RAP1GAP2: variants seen among roughly 807,000 people sequenced by gnomAD.
RAP1GAP2 encodes the protein rap1 GTPase-activating protein 2.
In RAP1GAP2, 27 loss-of-function variants were observed where a neutral mutation model predicts 95.0. That is an observed-to-expected ratio of 0.28 (90% CI 0.21 to 0.39). The LOEUF (loss-of-function observed/expected upper bound fraction) is 0.39, where lower values mean the gene tolerates loss of function less well. Among genes scored for constraint, RAP1GAP2 ranks in the 10% least tolerant of loss-of-function variants. The pLI is 1.00. For missense variants in RAP1GAP2, 771 were observed against 970.0 expected (o/e 0.79, Z 2.72); for synonymous variants, 373 against 380.9 (o/e 0.98, Z 0.24).
chr17:2,862,996 C>CAAAAAAAAAAAAAAAAAAAAAAAAAA (rs1164520490), intron 2 of RAP1GAP2, among the ~76,000 whole-genome samples: 1 of 49,020 alleles, frequency 2.0e-5, no homozygotes, highest in African/African-American at 8.4e-5. Flanking sequence ...GACTCTGTCT[C>CAAAAAAAAAAAAAAAAAAAAAAAAAA]AAAAAAAAAA....
Position 3,017,941 on chromosome 17 carries a change from G to GTT in RAP1GAP2, c.1495-119_1495-118insTT, listed in dbSNP as rs879469710. 9.4e-4 allele frequency: 771 copies of GTT among 817,972 alleles called. 5 individuals are homozygous for GTT. The Admixed American group carries it at 0.012, about 13-fold the overall frequency. The allele number at this position is 817,972 out of a possible 1,614,324, so 50.7% of individuals were successfully genotyped here. A position where few individuals can be genotyped will look rare whatever the true frequency, so the allele number is the denominator to read the frequency against. On this transcript the variant is annotated intron_variant, in intron 17 of 24. Transcript: ENST00000254695. ...CGTGTGTGTGTGTGTGTGTGTGTGT[G>GTT]TGTGTGTATGTGTGCACGCATACGT...
At chr17:2,932,842 A>AAAAAAAAAAAGG (rs140254643) in intron 3 of RAP1GAP2, among the ~76,000 whole-genome samples, 1 of 94,168 alleles carries the variant, frequency 1.1e-5, no homozygotes, top group Non-Finnish European at 2.0e-5. Context: ...AAAAAAAAAA[A>AAAAAAAAAAAGG]AGAGCAGGGA....
chr17:2,802,483 G>A (rs1422728635), intron 2 of RAP1GAP2, among the ~76,000 whole-genome samples: 1 of 152,134 alleles, frequency 6.6e-6, no homozygotes, highest in East Asian at 1.9e-4. Context: ...GCCAAGGTGG[G>A]TGGATCGCCT....
At chr17:2,950,038 CTT>C (rs2043857420) in intron 3 of RAP1GAP2, among the ~76,000 whole-genome samples, 1 of 106,636 alleles carries the variant, frequency 9.4e-6, no homozygotes, top group Non-Finnish European at 1.9e-5. Context: ...AGACCCATTT[CTT>C]TTCTTCTTCT....
intron 11 of RAP1GAP2, among the ~76,000 whole-genome samples, chr17:2,988,261 C>T (rs1006099571): frequency 2.6e-5 from 4 of 151,816 alleles, no homozygotes; most frequent in African/African-American, 9.7e-5. Flanking sequence ...TGTAGATTCA[C>T]ATAGAGTTGT....
At chr17:2,962,625 C>T in intron 4 of RAP1GAP2, 45 bp from the exon 5 acceptor site, 1 of 1,543,656 alleles carries the variant, frequency 6.5e-7, no homozygotes. Flanking sequence ...GCCCTGTCTT[C>T]TGACCTTTGC....
chr17:3,003,129 C>T lies in RAP1GAP2; in HGVS notation c.1201-2240C>T, dbSNP rs1383842031. Among the ~76,000 whole-genome samples the T allele has an allele frequency of 6.6e-6, 1 of 152,134 alleles. No homozygotes were observed. Among genetic ancestry groups the T allele is most frequent in the Admixed American group, 6.5e-5 (1 of 15,278 alleles). ...TCTCGCTAGAGGGAGGAAATGGAAG[C>T]TGAGAGCTGAACCCACTTAAGGCCT... On this transcript the variant is annotated intron_variant, in intron 14 of 24. Transcript: ENST00000254695. This position sits in a 1 kb window ranked among gnomAD's most constrained non-coding sequence, Gnocchi z 4.1.
chr17:2,791,378 G>A (rs764005597), intron 1 of RAP1GAP2, among the ~76,000 whole-genome samples: 1 of 152,072 alleles, frequency 6.6e-6, no homozygotes, highest in Non-Finnish European at 1.5e-5. Context: ...GAGAGAGAAG[G>A]AGCCCGTCCA....
Position 2,903,781 on chromosome 17 carries a change from G to T in RAP1GAP2, c.81-1503G>T, listed in dbSNP as rs1299823401. Among the ~76,000 whole-genome samples, 2 of 152,232 alleles carry T rather than the reference G, an allele frequency of 1.3e-5. No individual in the cohort carries two copies. Among genetic ancestry groups the T allele is most frequent in the Non-Finnish European group, 2.9e-5 (2 of 68,040 alleles). ...GAGGGCTGGCTGGTCAACTGCAGGG[G>T]CAGGCAGGGGTACACATGACCCAGG... On this transcript the variant is annotated intron_variant, in intron 2 of 24. Transcript: ENST00000254695. This position sits in a 1 kb window ranked among gnomAD's most constrained non-coding sequence, Gnocchi z 4.1.
rs190273760 is a variant in RAP1GAP2 at position 3,029,505 on chromosome 17, G to T, written c.2108-1417G>T. 4.1e-4 allele frequency among the ~76,000 whole-genome samples: 62 copies of T among 152,306 alleles called. 1 individual carries two copies. The highest frequency in any genetic ancestry group is 1.5e-3 in the African/African-American group (62 of 41,576). ...GCTGAGTCTGGGGAGAGGCAGGGTGGAGTGGGGAGAGGTGGCCTGACGTCC... is the reference window on the plus strand; with the variant it reads ...GCTGAGTCTGGGGAGAGGCAGGGTGTAGTGGGGAGAGGTGGCCTGACGTCC... On this transcript the variant is annotated intron_variant, in intron 22 of 24. Transcript: ENST00000254695. The surrounding 1 kb of genome is among the most constrained non-coding windows in gnomAD (Gnocchi z 4.4).
At position 2,965,888 on chromosome 17, in the gene RAP1GAP2, T is replaced by A. The variant is rs2044572559; in HGVS notation, c.596+245T>A. The A allele has an allele frequency of 3.8e-6, 2 of 519,616 alleles. No homozygotes were observed. Among genetic ancestry groups the A allele is most frequent in the South Asian group, 4.9e-5 (2 of 41,068 alleles). 32.2% of individuals were successfully genotyped at this position (519,616 alleles called of 1,614,324 possible). A position where few individuals can be genotyped will look rare whatever the true frequency, so the allele number is the denominator to read the frequency against. ...CCAGGTCTCAAGGTCACCCAGACTG[T>A]ACCCCTTCCTGCCCCTCTTTCTTAC... is the stretch of plus-strand genomic sequence containing the variant. On this transcript the variant is annotated intron_variant, in intron 8 of 24. Coordinates refer to ENST00000254695, the MANE Select transcript of RAP1GAP2 (RefSeq NM_015085.5). The surrounding 1 kb of genome is among the most constrained non-coding windows in gnomAD (Gnocchi z 4.7).
chr17:2,877,761 G>C (rs985360846), intron 2 of RAP1GAP2, among the ~76,000 whole-genome samples: 5 of 152,124 alleles, frequency 3.3e-5, no homozygotes, highest in African/African-American at 1.2e-4. Context: ...CTGAAATTTG[G>C]TTTTAGTGAA....
At chr17:2,875,953 T>C (rs2151653321) in intron 2 of RAP1GAP2, among the ~76,000 whole-genome samples, 1 of 151,582 alleles carries the variant, frequency 6.6e-6, no homozygotes, top group South Asian at 2.1e-4. Flanking sequence ...TGTTTTTTTT[T>C]TTGAGATGGA....
At chr17:3,001,925 C>T (rs1802782120) in intron 14 of RAP1GAP2, among the ~76,000 whole-genome samples, 1 of 152,086 alleles carries the variant, frequency 6.6e-6, no homozygotes, top group African/African-American at 2.4e-5. Context: ...CGCCACCCCA[C>T]CTCCAGCTGT....
chr17:2,935,008 C>T (rs1397721248), intron 3 of RAP1GAP2, among the ~76,000 whole-genome samples: 1 of 152,192 alleles, frequency 6.6e-6, no homozygotes, highest in Non-Finnish European at 1.5e-5. Context: ...TCTCAGCATC[C>T]TGTACCATCT....
At chr17:3,023,954 C>A (rs2047029176) in intron 19 of RAP1GAP2, among the ~76,000 whole-genome samples, 1 of 152,160 alleles carries the variant, frequency 6.6e-6, no homozygotes, top group South Asian at 2.1e-4. Context: ...TGGTTTTCAG[C>A]TTCATCCATG....
intron 1 of RAP1GAP2, among the ~76,000 whole-genome samples, chr17:2,785,028 G>C (rs1239247889): frequency 6.6e-6 from 1 of 152,108 alleles, no homozygotes; most frequent in African/African-American, 2.4e-5. Flanking sequence ...ATCTGCCTGC[G>C]GCATCATCCC....
intron 2 of RAP1GAP2, among the ~76,000 whole-genome samples, chr17:2,821,937 T>C (rs2070322867): frequency 6.6e-6 from 1 of 152,090 alleles, no homozygotes; most frequent in Non-Finnish European, 1.5e-5. Flanking sequence ...CTATGATGGA[T>C]TACGCACTGC....
At chr17:2,928,332 C>T (rs1263846869) in intron 3 of RAP1GAP2, among the ~76,000 whole-genome samples, 1 of 152,184 alleles carries the variant, frequency 6.6e-6, no homozygotes, top group Non-Finnish European at 1.5e-5. Flanking sequence ...GACACCTAAT[C>T]CTGCAATCTG....
Sources: gnomAD v4.1 joint callset for allele counts (sites outside exome capture counted in the v4.1 genomes callset) on GRCh38, gnomAD v4.1.1 for gene constraint, Gnocchi (gnomAD v3.1) non-coding constraint, MANE v1.5 for transcripts, NCBI Gene and HGNC (gene_info 2026-07-23, HGNC 2026-07-21) for gene names.